Variants in TTYH1 observed in about 807,000 individuals in gnomAD.
The protein encoded by TTYH1 is protein tweety homolog 1.
A neutral mutation model predicts 61.2 loss-of-function variants in TTYH1; 33 were observed. The ratio of observed to expected loss-of-function variants is 0.54; its 90% CI spans 0.41 to 0.72. The LOEUF is 0.72. Ranked by LOEUF, TTYH1 falls within the 30% of genes least tolerant of loss-of-function variation. The pLI is 0.00. For missense variants in TTYH1, 538 were observed against 575.8 expected (o/e 0.93, Z 0.67); for synonymous variants, 308 against 266.4 (o/e 1.16, Z -1.52).
At position 54,415,474 on chromosome 19, in the gene TTYH1, C is replaced by G. The variant is rs892210971; in HGVS notation, c.-79C>G. ...CGCTCCCCTGAGCCCAGCCAGACCC[C>G]GCGCCGCCCGCGCCCCGCTCGACTC... On this transcript the variant is annotated 5_prime_UTR_variant, in exon 1 of 14. Transcript: ENST00000376530. This position sits in a 1 kb window ranked among gnomAD's most constrained non-coding sequence, Gnocchi z 5.2. 6 of 1,275,122 alleles carry G rather than the reference C, an allele frequency of 4.7e-6. No individual in the cohort carries two copies. Among genetic ancestry groups the G allele is most frequent in the Middle Eastern group, 3.0e-4 (1 of 3,322 alleles). The allele number at this position is 1,275,122 out of a possible 1,614,324, so 79.0% of individuals were successfully genotyped here. A position where few individuals can be genotyped will look rare whatever the true frequency, so the allele number is the denominator to read the frequency against.
chr19:54,425,198 G>A (rs1397623445), intron 4 of TTYH1, among the ~76,000 whole-genome samples: 2 of 152,232 alleles, frequency 1.3e-5, no homozygotes, highest in Non-Finnish European at 2.9e-5. Context: ...GAGCACAGTG[G>A]ACACCCTGCC....
rs567490516 is a variant in TTYH1 at position 54,429,682 on chromosome 19, G to A, written c.808-200G>A. Among the ~76,000 whole-genome samples the A allele has an allele frequency of 1.3e-5, 2 of 151,828 alleles. No homozygotes were observed. The highest frequency in any genetic ancestry group is 4.8e-5 in the African/African-American group (2 of 41,364). Reference sequence around the variant, plus strand: ...GGGGCCTGGACTCCTGAGTCTGAGGGAGAAAGGGCTGGAGAGTCTGAACCC... The same window carrying A: ...GGGGCCTGGACTCCTGAGTCTGAGGAAGAAAGGGCTGGAGAGTCTGAACCC... On this transcript the variant is annotated intron_variant, in intron 6 of 13. Transcript: ENST00000376530. The surrounding 1 kb of genome is among the most constrained non-coding windows in gnomAD (Gnocchi z 5.1).
intron 4 of TTYH1, 124 bp from the exon 5 acceptor site, chr19:54,426,549 G>C (rs1402520557): frequency 1.3e-6 from 1 of 756,504 alleles, no homozygotes; most frequent in Admixed American, 2.0e-5. Flanking sequence ...AGGAGGCTGA[G>C]CTTGGAGGGT....
Position 54,416,648 on chromosome 19 carries a change from C to A in TTYH1, c.126+970C>A. 1.1e-6 allele frequency: 1 copy of A among 886,300 alleles called. No homozygotes were observed. Among genetic ancestry groups the A allele is most frequent in the Non-Finnish European group, 1.5e-6 (1 of 652,146 alleles). The allele number at this position is 886,300 out of a possible 1,614,324, so 54.9% of individuals were successfully genotyped here. On this transcript the variant is annotated intron_variant, in intron 1 of 13. Transcript: ENST00000376530. This position sits in a 1 kb window ranked among gnomAD's most constrained non-coding sequence, Gnocchi z 7.0. ...AGAGCTCAGGGGGCGTGGAGGGGGT[C>A]CCAGAAAAGCGCGGAGGGGATGAGT...
Position 54,416,944 on chromosome 19 carries a change from T to G in TTYH1, c.126+1266T>G, listed in dbSNP as rs1307995549. ...CCAGAGGCACGGGTTTGGGGGAGCC[T>G]CACTCCGCCCCCACGGTCGGGGGTC... On this transcript the variant is annotated intron_variant, in intron 1 of 13. Transcript: ENST00000376530. The surrounding 1 kb of genome is among the most constrained non-coding windows in gnomAD (Gnocchi z 7.0). 4 of 1,255,936 alleles carry G rather than the reference T, an allele frequency of 3.2e-6. No homozygotes were observed. The South Asian group carries it at 5.2e-5, about 16-fold the overall frequency. 77.8% of individuals were successfully genotyped at this position (1,255,936 alleles called of 1,614,324 possible).
Position 54,416,054 on chromosome 19 carries a change from A to G in TTYH1, c.126+376A>G. 1 of 1,310,952 alleles carries G rather than the reference A, an allele frequency of 7.6e-7. No individual in the cohort carries two copies. The highest frequency in any genetic ancestry group is 1.2e-5 in the South Asian group (1 of 80,978). The allele number at this position is 1,310,952 out of a possible 1,614,324, so 81.2% of individuals were successfully genotyped here. A position where few individuals can be genotyped will look rare whatever the true frequency, so the allele number is the denominator to read the frequency against. On this transcript the variant is annotated intron_variant, in intron 1 of 13. Coordinates refer to ENST00000376530, the MANE Select transcript of TTYH1 (RefSeq NM_020659.4). This position sits in a 1 kb window ranked among gnomAD's most constrained non-coding sequence, Gnocchi z 7.0. Reference sequence around the variant, plus strand: ...GCCCTAAAAGATGACCCTGCCCCACAGGATCAGAGCAGGTGAATATGTCCC... The same window carrying G: ...GCCCTAAAAGATGACCCTGCCCCACGGGATCAGAGCAGGTGAATATGTCCC...
In TTYH1 at chr19:54,421,166, A is replaced by G; in HGVS notation, c.306-111A>G. The stretch of plus-strand genomic sequence containing the variant: ...GGGCTGGCCCAATGAGGTGGGGCTG[A>G]GATGGGAGGGGTGGATAAGAAGGCG... On this transcript the variant is annotated intron_variant, in intron 2 of 13. Transcript: ENST00000376530. This position sits in a 1 kb window ranked among gnomAD's most constrained non-coding sequence, Gnocchi z 4.8. 1 of 697,364 alleles carries G rather than the reference A, an allele frequency of 1.4e-6. No individual in the cohort carries two copies. The highest frequency in any genetic ancestry group is 2.5e-6 in the Non-Finnish European group (1 of 394,958). 43.2% of individuals were successfully genotyped at this position (697,364 alleles called of 1,614,324 possible).
In TTYH1 at chr19:54,419,741, C is replaced by A. The variant is rs929601976; in HGVS notation, c.305+435C>A. The stretch of plus-strand genomic sequence containing the variant: ...CTGACTTGCAGCTACTCTCAGCCAA[C>A]ATTAACTGGTGATGTCTGTCATTCC... On this transcript the variant is annotated intron_variant, in intron 2 of 13. Coordinates refer to ENST00000376530, the MANE Select transcript of TTYH1 (RefSeq NM_020659.4). The surrounding 1 kb of genome is among the most constrained non-coding windows in gnomAD (Gnocchi z 6.1). 6.6e-6 allele frequency among the ~76,000 whole-genome samples: 1 copy of A among 152,166 alleles called. No homozygotes were observed.
At position 54,419,254 on chromosome 19, in the gene TTYH1, C is replaced by T. The variant is rs369700865; in HGVS notation, c.253C>T (p.Pro85Ser). ...PEPPGSKIPS[P>S]GGGCVTWSCI... Reference sequence around the variant, plus strand: ...GCCCCCCGGGTCCAAGATCCCCTCGCCCGGGGGAGGCTGCGTCACCTGGAG... The same window carrying T: ...GCCCCCCGGGTCCAAGATCCCCTCGTCCGGGGGAGGCTGCGTCACCTGGAG... Residue 85 changes from proline (P) to serine (S), a missense_variant, in exon 2 of 14, where the codon CCC becomes TCC. Coordinates refer to ENST00000376530, the MANE Select transcript of TTYH1 (RefSeq NM_020659.4). This position sits in a 1 kb window ranked among gnomAD's most constrained non-coding sequence, Gnocchi z 6.1. The T allele has an allele frequency of 1.0e-5, 16 of 1,607,340 alleles. No individual in the cohort carries two copies. The African/African-American group carries it at 2.1e-4, about 21-fold the overall frequency.
intron 1 of TTYH1, among the ~76,000 whole-genome samples, chr19:54,417,266 T>C (rs566922371): frequency 7.0e-6 from 1 of 143,440 alleles, no homozygotes; most frequent in Non-Finnish European, 1.5e-5. Context: ...ACAGGCACAC[T>C]CAGACACACC....
Position 54,415,750 on chromosome 19 carries a change from G to A in TTYH1, c.126+72G>A. 7.2e-7 allele frequency: 1 copy of A among 1,382,238 alleles called. No homozygotes were observed. Among genetic ancestry groups the A allele is most frequent in the Non-Finnish European group, 9.5e-7 (1 of 1,053,514 alleles). The allele number at this position is 1,382,238 out of a possible 1,614,324, so 85.6% of individuals were successfully genotyped here. On this transcript the variant is annotated intron_variant, in intron 1 of 13. Transcript: ENST00000376530. This position sits in a 1 kb window ranked among gnomAD's most constrained non-coding sequence, Gnocchi z 5.2. ...CTCCTGGGTCCCGAGGGAGAAGGGG[G>A]CTGGGTCACAGATTTCCTGAGCTCC...
chr19:54,421,423 A>G lies in TTYH1; in HGVS notation c.417+35A>G. 1.4e-6 allele frequency: 2 copies of G among 1,432,970 alleles called. No individual in the cohort carries two copies. The highest frequency in any genetic ancestry group is 2.0e-6 in the Non-Finnish European group (2 of 1,015,054). 88.8% of individuals were successfully genotyped at this position (1,432,970 alleles called of 1,614,324 possible). ...CAGCAACCAGTGGGACCCCAGACCC[A>G]CACCTGGACGGGCTCCCCACACCCA... On this transcript the variant is annotated intron_variant, in intron 3 of 13. Coordinates refer to ENST00000376530, the MANE Select transcript of TTYH1 (RefSeq NM_020659.4). The surrounding 1 kb of genome is among the most constrained non-coding windows in gnomAD (Gnocchi z 4.8).
In TTYH1 at chr19:54,421,227, C is replaced by T; in HGVS notation, c.306-50C>T. 7.6e-7 allele frequency: 1 copy of T among 1,313,482 alleles called. No individual in the cohort carries two copies. 81.4% of individuals were successfully genotyped at this position (1,313,482 alleles called of 1,614,324 possible). On this transcript the variant is annotated intron_variant, in intron 2 of 13. Transcript: ENST00000376530. This position sits in a 1 kb window ranked among gnomAD's most constrained non-coding sequence, Gnocchi z 4.8. The stretch of plus-strand genomic sequence containing the variant: ...GATGGGGTGGGAGGGGACGGTGGCC[C>T]CCGGGGTCCTGGGACCCGCTGAGAT...
At chr19:54,427,310 A>C (rs2083341873) in intron 5 of TTYH1, among the ~76,000 whole-genome samples, 1 of 129,102 alleles carries the variant, frequency 7.7e-6, no homozygotes, top group Non-Finnish European at 1.6e-5. Context: ...AAAAAAAAAA[A>C]AAAAAAAAAA....
Position 54,419,531 on chromosome 19 carries a change from G to A in TTYH1, c.305+225G>A. 2 of 710,334 alleles carry A rather than the reference G, an allele frequency of 2.8e-6. No homozygotes were observed. Among genetic ancestry groups the A allele is most frequent in the Middle Eastern group, 2.3e-4 (1 of 4,382 alleles). The allele number at this position is 710,334 out of a possible 1,614,324, so 44.0% of individuals were successfully genotyped here. On this transcript the variant is annotated intron_variant, in intron 2 of 13. Transcript: ENST00000376530. This position sits in a 1 kb window ranked among gnomAD's most constrained non-coding sequence, Gnocchi z 6.1. ...GGCTCTGGAGAGGAAGTGAATCAAG[G>A]GCAGCCATCTGGTGAGAAGGCGCAG...
Position 54,429,280 on chromosome 19 carries a change from G to A in TTYH1, c.735-27G>A, listed in dbSNP as rs772519908. ...GCTAGGCTAGGAGATTAAGAACCCC[G>A]GGCTGATCCTCCCTCCCCCACTCTA... On this transcript the variant is annotated intron_variant, in intron 5 of 13. Coordinates refer to ENST00000376530, the MANE Select transcript of TTYH1 (RefSeq NM_020659.4). This position sits in a 1 kb window ranked among gnomAD's most constrained non-coding sequence, Gnocchi z 5.1. 1.9e-5 allele frequency: 31 copies of A among 1,610,094 alleles called. No homozygotes were observed. The highest frequency in any genetic ancestry group is 3.3e-5 in the South Asian group (3 of 90,966).
In TTYH1 at chr19:54,421,250, G is replaced by T. The variant is rs2083211912; in HGVS notation, c.306-27G>T. 6.5e-7 allele frequency: 1 copy of T among 1,542,492 alleles called. No homozygotes were observed. The highest frequency in any genetic ancestry group is 1.4e-5 in the African/African-American group (1 of 73,496). Reference sequence around the variant, plus strand: ...CCCCCGGGGTCCTGGGACCCGCTGAGATTCCTCTCCCTCCTCCTCCGCTCA... The same window carrying T: ...CCCCCGGGGTCCTGGGACCCGCTGATATTCCTCTCCCTCCTCCTCCGCTCA... On this transcript the variant is annotated intron_variant, in intron 2 of 13. Transcript: ENST00000376530. The surrounding 1 kb of genome is among the most constrained non-coding windows in gnomAD (Gnocchi z 4.8).
At chr19:54,425,293 C>T (rs893425463) in intron 4 of TTYH1, among the ~76,000 whole-genome samples, 7 of 152,326 alleles carry the variant, frequency 4.6e-5, no homozygotes, top group African/African-American at 7.2e-5. Flanking sequence ...CAGCTCAAGC[C>T]GTAACAGACA....
chr19:54,425,152 C>T (rs1011772913), intron 4 of TTYH1, among the ~76,000 whole-genome samples: 3 of 152,198 alleles, frequency 2.0e-5, no homozygotes, highest in Admixed American at 6.5e-5. Context: ...GCCTCTAGCC[C>T]GATTGGGAGC....
Sources: allele counts gnomAD v4.1 joint callset (sites outside exome capture counted in the v4.1 genomes callset), GRCh38; gene constraint gnomAD v4.1.1; non-coding constraint Gnocchi (gnomAD v3.1); transcripts MANE v1.5; gene names NCBI Gene and HGNC (gene_info 2026-07-23, HGNC 2026-07-21).